SDR42E1: variants seen among roughly 807,000 people sequenced by gnomAD.
The protein encoded by SDR42E1 is short-chain dehydrogenase/reductase family 42E member 1.
SDR42E1 carries 5 observed loss-of-function variants against 2.6 expected under a neutral mutation model. The observed-to-expected ratio is 1.94, with a 90% CI of 1.01 to 4.08. The LOEUF (loss-of-function observed/expected upper bound fraction) is 4.08. SDR42E1 is among the 30% of genes most tolerant of loss of function. The pLI is 0.00. For synonymous variants in SDR42E1, 231 were observed against 188.3 expected (o/e 1.23, Z -1.86); for missense variants, 596 against 478.6 (o/e 1.25, Z -2.29).
intron 1 of SDR42E1, among the ~76,000 whole-genome samples, chr16:82,008,951 G>A (rs1268894320): frequency 6.6e-6 from 1 of 152,192 alleles, no homozygotes; most frequent in Admixed American, 6.5e-5. Flanking sequence ...GGGACTTGGT[G>A]CTCTGCGTCC....
intron 2 of SDR42E1, 106 bp downstream of exon 2, chr16:82,000,685 T>C: frequency 1.2e-6 from 1 of 824,228 alleles, no homozygotes; most frequent in Non-Finnish European, 2.0e-6. Context: ...CATTTCTGGT[T>C]TGACATTACA....
In SDR42E1 at chr16:81,999,224, T is replaced by C. The variant is rs1356536762; in HGVS notation, c.1069A>G (p.Arg357Gly). The C allele has an allele frequency of 1.9e-6, 3 of 1,614,098 alleles. No individual in the cohort carries two copies. The African/African-American group carries it at 4.0e-5, about 22-fold the overall frequency. Residue 357 changes from arginine (R) to glycine (G), a missense_variant, in exon 3 of 3, where the codon AGA becomes GGA. Coordinates refer to ENST00000328945, the MANE Select transcript of SDR42E1 (RefSeq NM_145168.3). Reference sequence around the variant, plus strand: ...TCCGAGTCACGACTTCCAGAACTTCTGCCATGACCATGGGCTTTAAACCAT... The same window carrying C: ...TCCGAGTCACGACTTCCAGAACTTCCGCCATGACCATGGGCTTTAAACCAT... ...VEWFKAHGHG[R>G]SSGSRDSECF... is the part of the protein sequence containing the mutation.
chr16:82,005,485 T>C (rs189726399), intron 1 of SDR42E1, among the ~76,000 whole-genome samples: 98 of 152,266 alleles, frequency 6.4e-4, no homozygotes, highest in African/African-American at 2.1e-3. Flanking sequence ...ATCCCCAACA[T>C]TGATAAGCAC....
At chr16:82,008,434 A>G (rs1239172393) in intron 1 of SDR42E1, among the ~76,000 whole-genome samples, 2 of 152,230 alleles carry the variant, frequency 1.3e-5, no homozygotes, top group African/African-American at 4.8e-5. Flanking sequence ...AACTTCCTAG[A>G]GACTTGTTGA....
rs139947861 is a variant in SDR42E1 at position 82,009,661 on chromosome 16, A to T, written c.-27+1726T>A. On this transcript the variant is annotated intron_variant, in intron 1 of 2. Transcript: ENST00000328945. ...AACTTGCTTTTGATTTTACAGGCTT[A>T]TAGGTGGAAGGGGCTTGCCTTGCCT... Among the ~76,000 whole-genome samples, 880 of 152,338 alleles carry T rather than the reference A, an allele frequency of 5.8e-3. 13 individuals are homozygous for T. Among genetic ancestry groups the T allele is most frequent in the African/African-American group, 0.02 (837 of 41,562 alleles).
At chr16:82,007,421 C>T (rs770671899) in intron 1 of SDR42E1, among the ~76,000 whole-genome samples, 28 of 152,208 alleles carry the variant, frequency 1.8e-4, no homozygotes, top group Non-Finnish European at 3.4e-4. Flanking sequence ...TGAATTATTT[C>T]ACAACCCTCT....
rs1912568115 is a variant in SDR42E1 at position 81,997,424 on chromosome 16, C to T, written c.*1687G>A. 1 of 152,172 alleles carries T rather than the reference C, an allele frequency of 6.6e-6. No individual in the cohort carries two copies. Among genetic ancestry groups the T allele is most frequent in the Non-Finnish European group, 1.5e-5 (1 of 68,046 alleles). The allele number at this position is 152,172 out of a possible 1,614,324, so 9.4% of individuals were successfully genotyped here. A position where few individuals can be genotyped will look rare whatever the true frequency, so the allele number is the denominator to read the frequency against. On this transcript the variant is annotated 3_prime_UTR_variant, in exon 3 of 3. Coordinates refer to ENST00000328945, the MANE Select transcript of SDR42E1 (RefSeq NM_145168.3). ...AGGATTGACCTGCATAACCAATATA[C>T]TGTGGAATGACACTGTGACATTTGA...
At chr16:82,006,804 AAAAAC>A (rs778896342) in intron 1 of SDR42E1, among the ~76,000 whole-genome samples, 1 of 152,244 alleles carries the variant, frequency 6.6e-6, no homozygotes, top group Non-Finnish European at 1.5e-5. Flanking sequence ...AAAAAAAACA[AAAAAC>A]AAAAAACCAA....
chr16:82,004,090 T>C (rs1912855472), intron 1 of SDR42E1, among the ~76,000 whole-genome samples: 1 of 152,108 alleles, frequency 6.6e-6, no homozygotes, highest in South Asian at 2.1e-4. Flanking sequence ...TTTCCAGAGC[T>C]TACAAATAAG....
At chr16:82,001,693 G>T (rs150371403) in intron 1 of SDR42E1, among the ~76,000 whole-genome samples, 1,655 of 152,098 alleles carry the variant, frequency 0.011, 9 homozygotes, top group Admixed American at 0.021. Flanking sequence ...ATGAGGTCAG[G>T]AGATCGAGAC....
rs1440446500 is a variant in SDR42E1 at position 81,995,823 on chromosome 16, A to T, written c.*3288T>A. On this transcript the variant is annotated 3_prime_UTR_variant, in exon 3 of 3. Transcript: ENST00000328945. ...CTCATAGAGCTAACAGGCATTAAACAAATAACCGTACAAATGTTTACAGTT... is the reference window on the plus strand; with the variant it reads ...CTCATAGAGCTAACAGGCATTAAACTAATAACCGTACAAATGTTTACAGTT... The T allele has an allele frequency of 6.6e-6, 1 of 152,276 alleles. No individual in the cohort carries two copies. The highest frequency in any genetic ancestry group is 1.5e-5 in the Non-Finnish European group (1 of 68,060). 9.4% of individuals were successfully genotyped at this position (152,276 alleles called of 1,614,324 possible).
In SDR42E1 at chr16:81,992,293, A is replaced by C. The variant is rs1399168660; in HGVS notation, c.*6818T>G. 4 of 152,214 alleles carry C rather than the reference A, an allele frequency of 2.6e-5. No homozygotes were observed. The highest frequency in any genetic ancestry group is 4.4e-5 in the Non-Finnish European group (3 of 68,040). The allele number at this position is 152,214 out of a possible 1,614,324, so 9.4% of individuals were successfully genotyped here. On this transcript the variant is annotated 3_prime_UTR_variant, in exon 3 of 3. Transcript: ENST00000328945. Reference sequence around the variant, plus strand: ...CAGGTTAATATTGATCATTAGCTTCATGTTGAACATTCCCAGAAGCTAAAT... The same window carrying C: ...CAGGTTAATATTGATCATTAGCTTCCTGTTGAACATTCCCAGAAGCTAAAT...
intron 1 of SDR42E1, among the ~76,000 whole-genome samples, chr16:82,007,138 C>T (rs78649641): frequency 0.029 from 4,421 of 152,292 alleles, 196 homozygotes; most frequent in African/African-American, 0.096. Context: ...TACAGACTGG[C>T]AATATCTATA....
rs1454727794 is a variant in SDR42E1 at position 81,995,116 on chromosome 16, G to A, written c.*3995C>T. ...GGGAGCAGTTTGGGCATTACCTTTAGGTTCCAATACAGGGCTCCTTGTTGC... is the reference window on the plus strand; with the variant it reads ...GGGAGCAGTTTGGGCATTACCTTTAAGTTCCAATACAGGGCTCCTTGTTGC... On this transcript the variant is annotated 3_prime_UTR_variant, in exon 3 of 3. Transcript: ENST00000328945. The A allele has an allele frequency of 6.6e-6, 1 of 152,262 alleles. No homozygotes were observed. The highest frequency in any genetic ancestry group is 2.1e-4 in the South Asian group (1 of 4,816). 9.4% of individuals were successfully genotyped at this position (152,262 alleles called of 1,614,324 possible). A position where few individuals can be genotyped will look rare whatever the true frequency, so the allele number is the denominator to read the frequency against.
At chr16:82,006,536 T>C (rs1043724456) in intron 1 of SDR42E1, among the ~76,000 whole-genome samples, 1 of 152,234 alleles carries the variant, frequency 6.6e-6, no homozygotes, top group African/African-American at 2.4e-5. Flanking sequence ...CTCACGCCTG[T>C]AATTCCAGCA....
At position 81,992,825 on chromosome 16, in the gene SDR42E1, C is replaced by A. The variant is rs562184594; in HGVS notation, c.*6286G>T. On this transcript the variant is annotated 3_prime_UTR_variant, in exon 3 of 3. Transcript: ENST00000328945. ...TGAACTCAAGTAATTATGAACGCAA[C>A]TTGAGTTCAATGAGTTCCTGGTGTG... 5.3e-5 allele frequency: 8 copies of A among 152,138 alleles called. No individual in the cohort carries two copies. The South Asian group carries it at 1.7e-3, about 32-fold the overall frequency. The allele number at this position is 152,138 out of a possible 1,614,324, so 9.4% of individuals were successfully genotyped here. A position where few individuals can be genotyped will look rare whatever the true frequency, so the allele number is the denominator to read the frequency against.
In SDR42E1 at chr16:81,996,357, A is replaced by G. The variant is rs569779372; in HGVS notation, c.*2754T>C. 1.3e-5 allele frequency: 2 copies of G among 152,334 alleles called. No individual in the cohort carries two copies. Among genetic ancestry groups the G allele is most frequent in the East Asian group, 3.9e-4 (2 of 5,188 alleles). The allele number at this position is 152,334 out of a possible 1,614,324, so 9.4% of individuals were successfully genotyped here. The stretch of plus-strand genomic sequence containing the variant: ...AAGGCATGATTACAAGTAAAAATCA[A>G]CTGGCTTAAACATGGGTTAGGTGTG... On this transcript the variant is annotated 3_prime_UTR_variant, in exon 3 of 3. Coordinates refer to ENST00000328945, the MANE Select transcript of SDR42E1 (RefSeq NM_145168.3).
rs985336710 is a variant in SDR42E1 at position 81,998,954 on chromosome 16, G to C, written c.*157C>G. On this transcript the variant is annotated 3_prime_UTR_variant, in exon 3 of 3. Coordinates refer to ENST00000328945, the MANE Select transcript of SDR42E1 (RefSeq NM_145168.3). ...TTCATTCCCATCTGGATTAGTGCAA[G>C]GAAATAAGACATAAAGATTCAATCC... 2 of 746,258 alleles carry C rather than the reference G, an allele frequency of 2.7e-6. No homozygotes were observed. The highest frequency in any genetic ancestry group is 4.2e-6 in the Non-Finnish European group (2 of 472,128). 46.2% of individuals were successfully genotyped at this position (746,258 alleles called of 1,614,324 possible).
chr16:82,000,687 G>C, intron 2 of SDR42E1, 104 bp downstream of exon 2: 1 of 833,788 alleles, frequency 1.2e-6, no homozygotes, highest in Non-Finnish European at 2.0e-6. Flanking sequence ...TTTCTGGTTT[G>C]ACATTACACA....
Sources: gnomAD v4.1 joint callset for allele counts (sites outside exome capture counted in the v4.1 genomes callset) on GRCh38, gnomAD v4.1.1 for gene constraint, MANE v1.5 for transcripts, NCBI Gene and HGNC (gene_info 2026-07-23, HGNC 2026-07-21) for gene names.